Variants in CPA6 observed in about 807,000 individuals in gnomAD.
CPA6 encodes the protein carboxypeptidase A6, also known as carboxypeptidase B.
In CPA6, 58 loss-of-function variants were observed where a neutral mutation model predicts 63.3. That is an observed-to-expected ratio of 0.92 (90% confidence interval 0.74 to 1.14). The LOEUF is 1.14. Among genes scored for constraint, CPA6 ranks in the 50% most tolerant of loss-of-function variants. CPA6 has a pLI of 0.00. For missense variants in CPA6, 565 were observed against 526.6 expected (o/e 1.07, Z -0.71); for synonymous variants, 185 against 179.0 (o/e 1.03, Z -0.27).
At chr8:67,552,800 AAG>A (rs1554673710) in intron 2 of CPA6, among the ~76,000 whole-genome samples, 46 of 147,212 alleles carry the variant, frequency 3.1e-4, no homozygotes, top group Non-Finnish European at 4.5e-4. Context: ...AAAAAAAAAA[AAG>A]AAAAGAAAAG....
chr8:67,656,583 A>G (rs1032232278), intron 1 of CPA6, among the ~76,000 whole-genome samples: 2 of 152,156 alleles, frequency 1.3e-5, no homozygotes, highest in Admixed American at 6.6e-5. Context: ...AGAGTTCTCA[A>G]GTTCATGTCA....
chr8:67,652,418 T>G (rs1420250196), intron 1 of CPA6, among the ~76,000 whole-genome samples: 6 of 152,268 alleles, frequency 3.9e-5, no homozygotes, highest in Admixed American at 3.3e-4. Context: ...TTTCCTGACT[T>G]TTTAATGATT....
At chr8:67,730,530 T>G (rs1817686441) in intron 1 of CPA6, among the ~76,000 whole-genome samples, 1 of 152,102 alleles carries the variant, frequency 6.6e-6, no homozygotes, top group Non-Finnish European at 1.5e-5. Context: ...CAAACTGCAG[T>G]CCCTTTTACT....
chr8:67,447,125 C>CAT (rs1003165105), intron 8 of CPA6, among the ~76,000 whole-genome samples: 25 of 151,238 alleles, frequency 1.7e-4, no homozygotes, highest in Admixed American at 4.0e-4. Context: ...CACACACACA[C>CAT]ATATATATAT....
At chr8:67,723,084 C>CT (rs1169663439) in intron 1 of CPA6, among the ~76,000 whole-genome samples, 3 of 152,076 alleles carry the variant, frequency 2.0e-5, no homozygotes, top group South Asian at 2.1e-4. Context: ...ACACACCCCT[C>CT]TAGTTCAATA....
At chr8:67,745,126 G>T (rs1817984145) in intron 1 of CPA6, among the ~76,000 whole-genome samples, 1 of 152,170 alleles carries the variant, frequency 6.6e-6, no homozygotes, top group Non-Finnish European at 1.5e-5. Context: ...CTTTTCTCAG[G>T]TGGTGATTAT....
At chr8:67,442,764 T>G (rs55897474) in intron 8 of CPA6, among the ~76,000 whole-genome samples, 1 of 152,032 alleles carries the variant, frequency 6.6e-6, no homozygotes, top group East Asian at 1.9e-4. Flanking sequence ...GTGAGCATAG[T>G]TGACTGACAG....
chr8:67,646,095 T>C (rs1815707456), intron 1 of CPA6, among the ~76,000 whole-genome samples: 1 of 152,256 alleles, frequency 6.6e-6, no homozygotes, highest in African/African-American at 2.4e-5. Flanking sequence ...AACTTCATTA[T>C]AGTCTGATCT....
intron 8 of CPA6, among the ~76,000 whole-genome samples, chr8:67,437,658 A>G: frequency 6.6e-6 from 1 of 152,226 alleles, no homozygotes. Context: ...AGGACCAACC[A>G]GATATAGTAG....
chr8:67,625,563 A>G (rs1815176858), intron 1 of CPA6, among the ~76,000 whole-genome samples: 1 of 152,218 alleles, frequency 6.6e-6, no homozygotes, highest in Admixed American at 6.5e-5. Context: ...TGTCTTTTGC[A>G]TAGAGTAGAT....
chr8:67,742,425 A>T (rs1817930561), intron 1 of CPA6, among the ~76,000 whole-genome samples: 1 of 152,168 alleles, frequency 6.6e-6, no homozygotes, highest in Non-Finnish European at 1.5e-5. Flanking sequence ...TGGTGGAGTC[A>T]GGCAGAGCTG....
chr8:67,741,967 C>T (rs1817921081), intron 1 of CPA6, among the ~76,000 whole-genome samples: 1 of 152,182 alleles, frequency 6.6e-6, no homozygotes, highest in African/African-American at 2.4e-5. Context: ...ACAGCACTTA[C>T]ACATTGTATA....
intron 2 of CPA6, among the ~76,000 whole-genome samples, chr8:67,597,458 C>T (rs950000830): frequency 2.6e-5 from 4 of 151,988 alleles, no homozygotes; most frequent in East Asian, 1.9e-4. Context: ...CCTCCTAAAG[C>T]GCTGGGATTA....
At chr8:67,612,446 A>G (rs1247816056) in intron 2 of CPA6, among the ~76,000 whole-genome samples, 1 of 152,184 alleles carries the variant, frequency 6.6e-6, no homozygotes, top group East Asian at 1.9e-4. Context: ...GTACTGGGTC[A>G]ATGTCTTTTC....
rs554546031 is a variant in CPA6, at chr8:67,571,441, C to T, written c.192+52735G>A. ...ACAGAGTACATTCTCTAGGGTAGAT[C>T]ATTTGTTAGGCCACAGGACAAATCT... On this transcript the variant is annotated intron_variant, in intron 2 of 10. Coordinates refer to ENST00000297770, the MANE Select transcript of CPA6 (RefSeq NM_020361.5). 3.3e-4 allele frequency among the ~76,000 whole-genome samples: 50 copies of T among 152,138 alleles called. 1 individual carries two copies. The highest frequency in any genetic ancestry group is 4.4e-4 in the Non-Finnish European group (30 of 68,010).
chr8:67,482,968 A>C (rs1811390444), intron 8 of CPA6, among the ~76,000 whole-genome samples: 2 of 152,170 alleles, frequency 1.3e-5, no homozygotes, highest in East Asian at 3.9e-4. Context: ...TTGGCATCTC[A>C]CATAGAACCT....
At chr8:67,457,459 G>A (rs919781574) in intron 8 of CPA6, among the ~76,000 whole-genome samples, 7 of 152,058 alleles carry the variant, frequency 4.6e-5, no homozygotes, top group Non-Finnish European at 1.0e-4. Flanking sequence ...GGAGTCTTCA[G>A]CTCCACAGCA....
At chr8:67,467,221 C>T (rs553496183) in intron 8 of CPA6, among the ~76,000 whole-genome samples, 2 of 152,170 alleles carry the variant, frequency 1.3e-5, no homozygotes, top group Non-Finnish European at 2.9e-5. Context: ...CCTCGAGTCT[C>T]TTCTCTGTTC....
intron 2 of CPA6, among the ~76,000 whole-genome samples, chr8:67,599,656 G>A (rs1176955712): frequency 6.6e-6 from 1 of 152,192 alleles, no homozygotes; most frequent in African/African-American, 2.4e-5. Context: ...GTAAGAATTT[G>A]AAAGCTCTGA....
Sources: allele counts gnomAD v4.1 joint callset (sites outside exome capture counted in the v4.1 genomes callset), GRCh38; gene constraint gnomAD v4.1.1; transcripts MANE v1.5; gene names NCBI Gene and HGNC (gene_info 2026-07-23, HGNC 2026-07-21).